The following PROM2 variants were observed in gnomAD, a reference collection of about 807,000 sequenced individuals.
PROM2 encodes prominin-2.
A neutral mutation model predicts 110.2 loss-of-function variants in PROM2; 90 were observed. The observed-to-expected ratio is 0.82, with a 90% CI of 0.69 to 0.97. The LOEUF (loss-of-function observed/expected upper bound fraction) is 0.97, where lower values mean the gene tolerates loss of function less well. Among genes scored for constraint, PROM2 ranks in the 50% least tolerant of loss-of-function variants. The pLI is 0.00. For synonymous variants in PROM2, 470 were observed against 467.8 expected, an observed-to-expected ratio of 1.00 and a Z score of -0.06; for missense variants, 1,009 against 1,074.8, an observed-to-expected ratio of 0.94 and a Z score of 0.86.
intron 22 of PROM2, 55 bp downstream of exon 22, chr2:95,288,644 A>C: frequency 6.8e-7 from 1 of 1,479,472 alleles, no homozygotes; most frequent in Non-Finnish European, 9.4e-7. Context: ...GTGTCCTTTC[A>C]GCCGCCAGGG....
intron 14 of PROM2, 42 bp downstream of exon 14, chr2:95,282,268 TC>T: frequency 6.8e-7 from 1 of 1,472,784 alleles, no homozygotes; most frequent in Non-Finnish European, 9.4e-7. Flanking sequence ...CCTCCTCAGA[TC>T]CCCCTCCTCT....
Position 95,275,100 on chromosome 2 carries a change from T to C in PROM2, c.244+271T>C. 2 of 481,524 alleles carry C rather than the reference T, an allele frequency of 4.2e-6. No individual in the cohort carries two copies. The highest frequency in any genetic ancestry group is 3.6e-6 in the Non-Finnish European group (1 of 277,224). The allele number at this position is 481,524 out of a possible 1,614,324, so 29.8% of individuals were successfully genotyped here. A position where few individuals can be genotyped will look rare whatever the true frequency, so the allele number is the denominator to read the frequency against. ...ACCTGACTCAGACATCCTCTTAGTCTATCGGTGCTTGGGTTGGGTGGTCCA... is the reference window on the plus strand; with the variant it reads ...ACCTGACTCAGACATCCTCTTAGTCCATCGGTGCTTGGGTTGGGTGGTCCA... On this transcript the variant is annotated intron_variant, in intron 1 of 23. Coordinates refer to ENST00000317620, the MANE Select transcript of PROM2 (RefSeq NM_001165978.3). This position sits in a 1 kb window ranked among gnomAD's most constrained non-coding sequence, Gnocchi z 4.4.
chr2:95,279,424 G>C (rs1418323708), intron 10 of PROM2, among the ~76,000 whole-genome samples: 2 of 151,830 alleles, frequency 1.3e-5, no homozygotes, highest in African/African-American at 4.8e-5. Context: ...AGCCTCCCAA[G>C]TAGCTGGGAC....
chr2:95,280,995 C>T (rs1329180640), intron 11 of PROM2, among the ~76,000 whole-genome samples: 1 of 152,204 alleles, frequency 6.6e-6, no homozygotes, highest in Non-Finnish European at 1.5e-5. Context: ...CTCCTCTAGG[C>T]TGCCAGGGCC....
Position 95,289,236 on chromosome 2 carries a change from C to T in PROM2, c.*23C>T. ...TAATCCCTGACAGGGTGAGGTGACC[C>T]TGAGGCTGCCTGTCCTCCCCTTTGA... On this transcript the variant is annotated 3_prime_UTR_variant, in exon 24 of 24. Transcript: ENST00000317620. 1.8e-6 allele frequency: 1 copy of T among 566,940 alleles called. No individual in the cohort carries two copies. Among genetic ancestry groups the T allele is most frequent in the Non-Finnish European group, 3.2e-6 (1 of 315,600 alleles). The allele number at this position is 566,940 out of a possible 1,614,324, so 35.1% of individuals were successfully genotyped here.
rs2104165293 is a variant in PROM2 at position 95,290,533 on chromosome 2, T to C, written c.*1320T>C. ...ACCTGGACTCACAGCCTGGCTGTGATGCTTGTTCGCTCAGCTTCTCCATTT... is the reference window on the plus strand; with the variant it reads ...ACCTGGACTCACAGCCTGGCTGTGACGCTTGTTCGCTCAGCTTCTCCATTT... On this transcript the variant is annotated 3_prime_UTR_variant, in exon 24 of 24. Transcript: ENST00000317620. 1 of 152,332 alleles carries C rather than the reference T, an allele frequency of 6.6e-6. No individual in the cohort carries two copies. The highest frequency in any genetic ancestry group is 1.9e-4 in the East Asian group (1 of 5,180). The allele number at this position is 152,332 out of a possible 1,614,324, so 9.4% of individuals were successfully genotyped here.
Position 95,284,990 on chromosome 2 carries a change from G to T in PROM2, c.1750G>T (p.Glu584Ter), listed in dbSNP as rs745708751. Residue 584 changes from glutamate (E) to a stop codon, truncating the protein, a stop_gained, in exon 15 of 24, where the codon GAG becomes TAG. Coordinates refer to ENST00000317620, the MANE Select transcript of PROM2 (RefSeq NM_001165978.3). LOFTEE classifies it high-confidence loss of function. The stretch of plus-strand genomic sequence containing the variant: ...CCAGTATACCAACAAGCTACGGCAG[G>T]AGTTGCAGAGCCTGAAAGTAGACAC... ...INQYTNKLRQ[E>*]LQSLKVDTQS... is the part of the protein sequence containing the mutation. The T allele has an allele frequency of 3.1e-6, 5 of 1,609,896 alleles. No homozygotes were observed. In the East Asian group the frequency reaches 1.1e-4, roughly 36 times the overall value.
chr2:95,290,629 C>G lies in PROM2; in HGVS notation c.*1416C>G, dbSNP rs1289216214. On this transcript the variant is annotated 3_prime_UTR_variant, in exon 24 of 24. Coordinates refer to ENST00000317620, the MANE Select transcript of PROM2 (RefSeq NM_001165978.3). ...ATCAAATGTGATAATTTGTGGAAAGCCCTTAGCAGTGGCCTGGCACAAAAC... is the reference window on the plus strand; with the variant it reads ...ATCAAATGTGATAATTTGTGGAAAGGCCTTAGCAGTGGCCTGGCACAAAAC... 1 of 152,228 alleles carries G rather than the reference C, an allele frequency of 6.6e-6. No individual in the cohort carries two copies. Among genetic ancestry groups the G allele is most frequent in the Admixed American group, 6.5e-5 (1 of 15,282 alleles). 9.4% of individuals were successfully genotyped at this position (152,228 alleles called of 1,614,324 possible). A position where few individuals can be genotyped will look rare whatever the true frequency, so the allele number is the denominator to read the frequency against.
rs756687027 is a variant in PROM2, at chr2:95,276,557, C to T, written c.619-37C>T. The T allele has an allele frequency of 6.2e-7, 1 of 1,613,634 alleles. No homozygotes were observed. Among genetic ancestry groups the T allele is most frequent in the Non-Finnish European group, 8.5e-7 (1 of 1,179,736 alleles). On this transcript the variant is annotated intron_variant, in intron 4 of 23. Transcript: ENST00000317620. This position sits in a 1 kb window ranked among gnomAD's most constrained non-coding sequence, Gnocchi z 4.6. ...AGAAGGGCGTAAGGACTGTGGGTGACCAGGAAGGGCAGCCTCAGGGCCTTG... is the reference window on the plus strand; with the variant it reads ...AGAAGGGCGTAAGGACTGTGGGTGATCAGGAAGGGCAGCCTCAGGGCCTTG...
At chr2:95,277,784 A>AGTAAGAG (rs1676763030) in intron 7 of PROM2, 146 bp from the exon 8 acceptor site, 8 of 808,410 alleles carry the variant, frequency 9.9e-6, no homozygotes, top group Non-Finnish European at 1.6e-5. Flanking sequence ...TCTTGCTGCC[A>AGTAAGAG]CCAGGGGCAG....
At chr2:95,277,334 C>T in intron 6 of PROM2, 30 bp from the exon 7 acceptor site, 1 of 1,584,064 alleles carries the variant, frequency 6.3e-7, no homozygotes, top group Non-Finnish European at 8.6e-7. Context: ...ATATGGTGGA[C>T]CCTGCTCAGG....
At chr2:95,277,662 T>G in intron 7 of PROM2, 96 bp downstream of exon 7, 2 of 1,230,160 alleles carry the variant, frequency 1.6e-6, no homozygotes, top group Non-Finnish European at 2.2e-6. Flanking sequence ...TGCCCCAATG[T>G]TCCTCCCTTG....
intron 14 of PROM2, 150 bp from the exon 15 acceptor site, chr2:95,284,819 C>T (rs920305159): frequency 1.4e-5 from 13 of 929,756 alleles, no homozygotes; most frequent in East Asian, 1.1e-4. Flanking sequence ...CACCTTCACC[C>T]CCAACACCGG....
At position 95,285,653 on chromosome 2, in the gene PROM2, G is replaced by A; in HGVS notation, c.1890G>A (p.Val630=). 6.2e-7 allele frequency: 1 copy of A among 1,602,092 alleles called. No individual in the cohort carries two copies. The highest frequency in any genetic ancestry group is 8.5e-7 in the Non-Finnish European group (1 of 1,173,934). The change falls in exon 16 of 24, where the codon GTG becomes GTA. Residue 630 remains valine (V), a synonymous_variant. Transcript: ENST00000317620. ...PDFLVQIQRP[V]VKTSMEQLAQ... ...TCCACCTGCAGATCCAGAGGCCCGT[G>A]GTGAAGACCAGCATGGAGCAGCTGG...
rs1235702125 is a variant in PROM2 at position 95,285,117 on chromosome 2, T to G, written c.1875+2T>G. On this transcript the variant is annotated splice_donor_variant, in intron 15 of 23. Transcript: ENST00000317620. LOFTEE classifies it high-confidence loss of function. ...CACTACCCCGACTTCCTCGTTCAGG[T>G]CAGCGGTGGGCACCTCAGCAGGGCT... is the stretch of plus-strand genomic sequence containing the variant. 1 of 1,563,352 alleles carries G rather than the reference T, an allele frequency of 6.4e-7. No homozygotes were observed. The highest frequency in any genetic ancestry group is 1.9e-5 in the Admixed American group (1 of 53,602).
intron 18 of PROM2, 133 bp from the exon 19 acceptor site, chr2:95,287,000 C>A: frequency 8.0e-7 from 1 of 1,255,036 alleles, no homozygotes; most frequent in Non-Finnish European, 1.1e-6. Flanking sequence ...GGCAGCAGAG[C>A]CTGGGGGATC....
chr2:95,287,087 G>C (rs1348381624), intron 18 of PROM2, 46 bp from the exon 19 acceptor site: 1 of 1,532,918 alleles, frequency 6.5e-7, no homozygotes, highest in South Asian at 1.1e-5. Flanking sequence ...TTAATGAATG[G>C]ATGCGTGAAT....
In PROM2 at chr2:95,288,407, C is replaced by T. The variant is rs1240944027; in HGVS notation, c.2335-76C>T. On this transcript the variant is annotated intron_variant, in intron 21 of 23. Transcript: ENST00000317620. ...GTGAAGCCAGGCATGGCCTCTGCCC[C>T]GGCTCTGATGACAAGGCAGCTGGGT... 4.9e-5 allele frequency: 77 copies of T among 1,581,178 alleles called. No homozygotes were observed. The East Asian group carries it at 7.4e-4, about 15-fold the overall frequency.
At chr2:95,283,699 C>T (rs184777952) in intron 14 of PROM2, among the ~76,000 whole-genome samples, 1 of 152,336 alleles carries the variant, frequency 6.6e-6, no homozygotes, top group Admixed American at 6.5e-5. Context: ...AAACACTGGG[C>T]TGACTTTTAT....
Sources: gnomAD v4.1 joint callset for allele counts (sites outside exome capture counted in the v4.1 genomes callset) on GRCh38, gnomAD v4.1.1 for gene constraint, Gnocchi (gnomAD v3.1) non-coding constraint, MANE v1.5 for transcripts, NCBI Gene and HGNC (gene_info 2026-07-23, HGNC 2026-07-21) for gene names.